PLAGL1: variants seen among roughly 807,000 people sequenced by gnomAD.
The protein encoded by PLAGL1 is PLAG1 like zinc finger 1.
A neutral mutation model predicts 4.6 loss-of-function variants in PLAGL1; 1 was observed. The ratio of observed to expected loss-of-function variants is 0.22; its 90% CI spans 0.08 to 1.03. The LOEUF (loss-of-function observed/expected upper bound fraction) is 1.03, where lower values mean the gene tolerates loss of function less well. Ranked by LOEUF, PLAGL1 falls within the 50% of genes least tolerant of loss-of-function variation. The pLI, the probability that PLAGL1 is intolerant of heterozygous loss-of-function variation, is 0.58. For synonymous variants in PLAGL1, 240 were observed against 237.8 expected (o/e 1.01, Z -0.08); for missense variants, 464 against 570.4 (o/e 0.81, Z 1.90).
At position 143,941,553 on chromosome 6, in the gene PLAGL1, C is replaced by T. The variant is rs886718747; in HGVS notation, c.1263G>A (p.Gln421=). The change falls in exon 8 of 8, where the codon CAG becomes CAA. Residue 421 remains glutamine (Q), a synonymous_variant. Coordinates refer to ENST00000674357, the MANE Select transcript of PLAGL1 (RefSeq NM_001317162.2). The surrounding 1 kb of genome is among the most constrained non-coding windows in gnomAD (Gnocchi z 6.0). ...LPHRLSCLGQ[Q]QQEPPLAMGT... ...CCATGGCAAGTGGGGGTTCTTGCTGCTGCTGCCCCAGACAGCTTAACCTGT... is the reference window on the plus strand; with the variant it reads ...CCATGGCAAGTGGGGGTTCTTGCTGTTGCTGCCCCAGACAGCTTAACCTGT... 3.2e-6 allele frequency: 5 copies of T among 1,573,982 alleles called. No individual in the cohort carries two copies. The highest frequency in any genetic ancestry group is 4.3e-6 in the Non-Finnish European group (5 of 1,159,356).
intron 1 of PLAGL1, among the ~76,000 whole-genome samples, chr6:144,031,918 T>G (rs1796861836): frequency 6.6e-6 from 1 of 152,196 alleles, no homozygotes; most frequent in South Asian, 2.1e-4. Context: ...GGAATTATAT[T>G]GAATTTGTAG....
intron 2 of PLAGL1, among the ~76,000 whole-genome samples, chr6:143,977,476 T>C (rs1583361849): frequency 7.4e-6 from 1 of 135,530 alleles, no homozygotes; most frequent in South Asian, 2.5e-4. Flanking sequence ...TCTTCTTTTT[T>C]TTTTTTTTTT....
intron 1 of PLAGL1, among the ~76,000 whole-genome samples, chr6:144,043,866 G>A (rs1428965466): frequency 6.6e-6 from 1 of 152,132 alleles, no homozygotes; most frequent in Non-Finnish European, 1.5e-5. Flanking sequence ...CCTGTTATTG[G>A]TCTATTCAGG....
rs1168119349 is a variant in PLAGL1 at position 143,963,103 on chromosome 6, G to A, written c.-399+1684C>T. On this transcript the variant is annotated intron_variant, in intron 5 of 7. Coordinates refer to ENST00000674357, the MANE Select transcript of PLAGL1 (RefSeq NM_001317162.2). This position sits in a 1 kb window ranked among gnomAD's most constrained non-coding sequence, Gnocchi z 6.1. ...TGATGTCATTTTAAAGGTGACACTG[G>A]GGGGCATGGTATGAAGGGGTTGCTG... 6.6e-6 allele frequency among the ~76,000 whole-genome samples: 1 copy of A among 152,120 alleles called. No individual in the cohort carries two copies. Among genetic ancestry groups the A allele is most frequent in the South Asian group, 2.1e-4 (1 of 4,826 alleles).
At chr6:144,046,941 T>G (rs1798199540) in intron 1 of PLAGL1, among the ~76,000 whole-genome samples, 1 of 152,198 alleles carries the variant, frequency 6.6e-6, no homozygotes, top group South Asian at 2.1e-4. Flanking sequence ...CACCTCACAG[T>G]TCGATCTCAG....
intron 2 of PLAGL1, among the ~76,000 whole-genome samples, chr6:143,976,811 T>A (rs1262148007): frequency 6.6e-6 from 1 of 152,302 alleles, no homozygotes; most frequent in Admixed American, 6.5e-5. Flanking sequence ...TGAAAGATGT[T>A]CAGACATTTT....
chr6:144,023,629 G>A (rs1796127379), intron 1 of PLAGL1, among the ~76,000 whole-genome samples: 1 of 152,168 alleles, frequency 6.6e-6, no homozygotes, highest in African/African-American at 2.4e-5. Flanking sequence ...AATGGGAATG[G>A]CCAAGTAAGT....
chr6:144,054,228 C>A (rs1798778778), intron 1 of PLAGL1, among the ~76,000 whole-genome samples: 2 of 152,250 alleles, frequency 1.3e-5, no homozygotes, highest in South Asian at 4.1e-4. Context: ...TCAGAGTTAG[C>A]CAAGATTAAG....
intron 1 of PLAGL1, among the ~76,000 whole-genome samples, chr6:143,993,713 AGTC>A (rs1791041061): frequency 6.6e-6 from 1 of 152,252 alleles, no homozygotes; most frequent in Non-Finnish European, 1.5e-5. Context: ...GAAGCCAGCC[AGTC>A]CCAAGATAAC....
Position 144,013,529 on chromosome 6 carries a change from A to G in PLAGL1, c.-150-44551T>C, listed in dbSNP as rs141891766. 5.0e-3 allele frequency among the ~76,000 whole-genome samples: 767 copies of G among 152,322 alleles called. 3 individuals carry two copies. Among genetic ancestry groups the G allele is most frequent in the Non-Finnish European group, 8.8e-3 (599 of 68,032 alleles). Reference sequence around the variant, plus strand: ...TTACCACAAACTGGTGGCATAAAACATGAAATTTATTTTCTGAGTCCGAAA... The same window carrying G: ...TTACCACAAACTGGTGGCATAAAACGTGAAATTTATTTTCTGAGTCCGAAA... On this transcript the variant is annotated intron_variant, in intron 1 of 3. Transcript: ENST00000437412. This position sits in a 1 kb window ranked among gnomAD's most constrained non-coding sequence, Gnocchi z 4.4.
chr6:144,062,634 G>A (rs1007003894), intron 1 of PLAGL1, among the ~76,000 whole-genome samples: 1 of 152,016 alleles, frequency 6.6e-6, no homozygotes, highest in African/African-American at 2.4e-5. Context: ...TCTGGGCCAC[G>A]CAGCACTTTG....
intron 1 of PLAGL1, among the ~76,000 whole-genome samples, chr6:144,031,229 C>T (rs1287942413): frequency 6.6e-6 from 1 of 152,080 alleles, no homozygotes; most frequent in African/African-American, 2.4e-5. Context: ...TGTTTGAGTT[C>T]TTTGTAGATT....
rs904797085 is a variant in PLAGL1 at position 144,013,691 on chromosome 6, C to A, written c.-150-44713G>T. Among the ~76,000 whole-genome samples, 1 of 152,230 alleles carries A rather than the reference C, an allele frequency of 6.6e-6. No individual in the cohort carries two copies. Among genetic ancestry groups the A allele is most frequent in the Admixed American group, 6.5e-5 (1 of 15,294 alleles). On this transcript the variant is annotated intron_variant, in intron 1 of 3. Transcript: ENST00000437412. The surrounding 1 kb of genome is among the most constrained non-coding windows in gnomAD (Gnocchi z 4.4). Reference sequence around the variant, plus strand: ...TGGCTTCCTCGGCTTCCTTGGCTTGCGGCCACAGCATGCCAATCTCTGCCT... The same window carrying A: ...TGGCTTCCTCGGCTTCCTTGGCTTGAGGCCACAGCATGCCAATCTCTGCCT...
At position 143,941,314 on chromosome 6, in the gene PLAGL1, T is replaced by G; in HGVS notation, c.*110A>C. 1.3e-6 allele frequency: 1 copy of G among 768,840 alleles called. No homozygotes were observed. Among genetic ancestry groups the G allele is most frequent in the Non-Finnish European group, 2.0e-6 (1 of 497,280 alleles). 47.6% of individuals were successfully genotyped at this position (768,840 alleles called of 1,614,324 possible). On this transcript the variant is annotated 3_prime_UTR_variant, in exon 8 of 8. Coordinates refer to ENST00000674357, the MANE Select transcript of PLAGL1 (RefSeq NM_001317162.2). The surrounding 1 kb of genome is among the most constrained non-coding windows in gnomAD (Gnocchi z 6.0). ...TCATCTCAAGCCAGTCATCACTGAA[T>G]AAGCCATAGTCCCAGTCTCGTTTTC...
At chr6:144,019,866 GAACTGCT>G (rs1795847487) in intron 1 of PLAGL1, among the ~76,000 whole-genome samples, 1 of 151,736 alleles carries the variant, frequency 6.6e-6, no homozygotes, top group African/African-American at 2.4e-5. Context: ...AAGCTGGTAG[GAACTGCT>G]GGAACAACTC....
In PLAGL1 at chr6:144,039,556, A is replaced by C. The variant is rs1269351759; in HGVS notation, c.-151+24912T>G. 6.6e-6 allele frequency among the ~76,000 whole-genome samples: 1 copy of C among 152,204 alleles called. No homozygotes were observed. ...AGCCAAGATTGTGCCACTTCACTTCAGCCTGGGTGACAGAGTGAGACTGTG... is the reference window on the plus strand; with the variant it reads ...AGCCAAGATTGTGCCACTTCACTTCCGCCTGGGTGACAGAGTGAGACTGTG... On this transcript the variant is annotated intron_variant, in intron 1 of 3. Transcript: ENST00000437412. This position sits in a 1 kb window ranked among gnomAD's most constrained non-coding sequence, Gnocchi z 4.1.
Position 143,948,764 on chromosome 6 carries a change from A to AAAC in PLAGL1, c.-324-307_-324-305dup, listed in dbSNP as rs3060705. 0.51 allele frequency among the ~76,000 whole-genome samples: 54,929 copies of AAAC among 107,016 alleles called. 10,946 individuals are homozygous for AAAC. The highest frequency in any genetic ancestry group is 0.59 in the Non-Finnish European group (30,526 of 51,926). 70.2% of individuals were successfully genotyped at this position (107,016 alleles called of 152,430 possible). A position where few individuals can be genotyped will look rare whatever the true frequency, so the allele number is the denominator to read the frequency against. Reference sequence around the variant, plus strand: ...GTGAAGCTCCATTGACCAAAGAGAAAAACAACAACAACAACAACAACAACA... The same window carrying AAAC: ...GTGAAGCTCCATTGACCAAAGAGAAAAACAACAACAACAACAACAACAACAACA... On this transcript the variant is annotated intron_variant, in intron 6 of 7. Transcript: ENST00000674357. This position sits in a 1 kb window ranked among gnomAD's most constrained non-coding sequence, Gnocchi z 6.0.
chr6:144,002,789 T>C (rs1440843140), intron 1 of PLAGL1, among the ~76,000 whole-genome samples: 2 of 151,736 alleles, frequency 1.3e-5, no homozygotes, highest in Non-Finnish European at 2.9e-5. Flanking sequence ...GAAGAACTTA[T>C]GCAATGAAGG....
chr6:144,020,850 TATA>T (rs1450328812), intron 1 of PLAGL1, among the ~76,000 whole-genome samples: 1 of 146,242 alleles, frequency 6.8e-6, no homozygotes, highest in Non-Finnish European at 1.5e-5. Context: ...ATATATAAAA[TATA>T]ATTACTATAA....
Sources: allele counts gnomAD v4.1 joint callset (sites outside exome capture counted in the v4.1 genomes callset), GRCh38; gene constraint gnomAD v4.1.1; non-coding constraint Gnocchi (gnomAD v3.1); transcripts MANE v1.5; gene names NCBI Gene and HGNC (gene_info 2026-07-23, HGNC 2026-07-21).